Variants in NR3C2 observed in about 807,000 individuals in gnomAD.
NR3C2 encodes the protein nuclear receptor subfamily 3 group C member 2.
In NR3C2, 15 loss-of-function variants were observed where a neutral mutation model predicts 86.4. The observed-to-expected ratio is 0.17, with a 90% CI of 0.12 to 0.27. NR3C2 has a LOEUF of 0.27. NR3C2 is among the 10% of genes least tolerant of loss of function. The pLI is 1.00. For missense variants in NR3C2, 960 were observed against 1,195.6 expected, an observed-to-expected ratio of 0.80 and a Z score of 2.91; for synonymous variants, 458 against 450.5, an observed-to-expected ratio of 1.02 and a Z score of -0.21.
At chr4:148,118,442 T>C (rs1391544118) in intron 7 of NR3C2, among the ~76,000 whole-genome samples, 1 of 152,178 alleles carries the variant, frequency 6.6e-6, no homozygotes, top group African/African-American at 2.4e-5. Context: ...CTGACAGTTG[T>C]CTCTGTCCCT....
intron 2 of NR3C2, among the ~76,000 whole-genome samples, chr4:148,388,536 T>A (rs944861159): frequency 6.6e-6 from 1 of 152,228 alleles, no homozygotes; most frequent in Non-Finnish European, 1.5e-5. Context: ...TCCAAAGGTA[T>A]ATTTACATCA....
intron 3 of NR3C2, among the ~76,000 whole-genome samples, chr4:148,195,471 C>T (rs1215528822): frequency 6.6e-6 from 1 of 152,146 alleles, no homozygotes; most frequent in Non-Finnish European, 1.5e-5. Context: ...GTACTAGGCA[C>T]TACTAGAGGC....
chr4:148,104,768 G>C (rs1731718748), intron 8 of NR3C2, among the ~76,000 whole-genome samples: 2 of 152,134 alleles, frequency 1.3e-5, no homozygotes, highest in South Asian at 4.1e-4. Context: ...TACAAGATGG[G>C]TATTATTACT....
chr4:148,161,132 T>C (rs778397334), intron 4 of NR3C2, among the ~76,000 whole-genome samples: 6 of 152,248 alleles, frequency 3.9e-5, no homozygotes, highest in Non-Finnish European at 8.8e-5. Context: ...TATAAGGAAG[T>C]AGCATTTCAA....
At chr4:148,296,691 A>G (rs1742072195) in intron 2 of NR3C2, among the ~76,000 whole-genome samples, 1 of 152,150 alleles carries the variant, frequency 6.6e-6, no homozygotes, top group Non-Finnish European at 1.5e-5. Flanking sequence ...CATTTTATGC[A>G]TAGCAACAAA....
At chr4:148,156,642 A>C (rs1734402292) in intron 4 of NR3C2, among the ~76,000 whole-genome samples, 1 of 152,100 alleles carries the variant, frequency 6.6e-6, no homozygotes, top group Admixed American at 6.6e-5. Context: ...AATCATTAAA[A>C]AGTCAGGAAA....
chr4:148,324,510 G>A (rs1007134309), intron 2 of NR3C2, among the ~76,000 whole-genome samples: 5 of 152,144 alleles, frequency 3.3e-5, no homozygotes, highest in African/African-American at 1.2e-4. Flanking sequence ...TAGAAGAGTG[G>A]TTGGCAAGAC....
chr4:148,103,361 T>C (rs1296713544), intron 8 of NR3C2, among the ~76,000 whole-genome samples: 2 of 152,116 alleles, frequency 1.3e-5, no homozygotes, highest in Non-Finnish European at 2.9e-5. Context: ...GGTTGTTGTA[T>C]CCATAGTGCC....
intron 1 of NR3C2, among the ~76,000 whole-genome samples, chr4:148,439,329 AATAAAT>A (rs1299633431): frequency 1.3e-5 from 2 of 152,336 alleles, no homozygotes; most frequent in East Asian, 3.8e-4. Context: ...TAAACAACAC[AATAAAT>A]ATGTCTATTT....
chr4:148,298,272 G>A (rs1381674083), intron 2 of NR3C2, among the ~76,000 whole-genome samples: 2 of 152,122 alleles, frequency 1.3e-5, no homozygotes, highest in African/African-American at 4.8e-5. Flanking sequence ...ACATTATGTG[G>A]AAGAAAAACA....
At chr4:148,272,581 C>A (rs1413485518) in intron 2 of NR3C2, among the ~76,000 whole-genome samples, 1 of 152,162 alleles carries the variant, frequency 6.6e-6, no homozygotes, top group Non-Finnish European at 1.5e-5. Flanking sequence ...CATATTTTTA[C>A]TACTGGCTTT....
intron 3 of NR3C2, among the ~76,000 whole-genome samples, chr4:148,221,033 CTGGGGGTGAGACCA>C (rs1737811631): frequency 2.0e-5 from 3 of 151,748 alleles, no homozygotes; most frequent in Admixed American, 2.0e-4. Context: ...CCAAGAATAT[CTGGGGGTGAGACCA>C]AATTTCTGAT....
At chr4:148,345,976 T>C (rs1397674206) in intron 2 of NR3C2, among the ~76,000 whole-genome samples, 1 of 152,068 alleles carries the variant, frequency 6.6e-6, no homozygotes, top group African/African-American at 2.4e-5. Flanking sequence ...AAGACTTCTC[T>C]ACCAAAACCA....
intron 4 of NR3C2, among the ~76,000 whole-genome samples, chr4:148,186,862 T>A (rs999086584): frequency 6.6e-6 from 1 of 150,558 alleles, no homozygotes; most frequent in Non-Finnish European, 1.5e-5. Flanking sequence ...CAACATACGA[T>A]GTTTGGTTTT....
chr4:148,186,000 C>T (rs544003095), intron 4 of NR3C2, among the ~76,000 whole-genome samples: 10 of 152,248 alleles, frequency 6.6e-5, no homozygotes, highest in African/African-American at 2.4e-4. Flanking sequence ...ATTGTTGAGT[C>T]CAAGGCATGT....
intron 2 of NR3C2, among the ~76,000 whole-genome samples, chr4:148,261,443 G>A (rs994133634): frequency 6.6e-6 from 1 of 152,090 alleles, no homozygotes; most frequent in African/African-American, 2.4e-5. Context: ...GGTGCGCTAC[G>A]GTCAGTGCTA....
intron 4 of NR3C2, among the ~76,000 whole-genome samples, chr4:148,191,144 G>A (rs184614327): frequency 3.8e-4 from 58 of 152,090 alleles, no homozygotes; most frequent in African/African-American, 1.3e-3. Context: ...AAGATTTAGA[G>A]CTCCTTTTAG....
At chr4:148,334,416 G>A in intron 2 of NR3C2, among the ~76,000 whole-genome samples, 1 of 152,196 alleles carries the variant, frequency 6.6e-6, no homozygotes, top group East Asian at 1.9e-4. Flanking sequence ...GGTGGCACTT[G>A]CCTGTAATCC....
At chr4:148,300,837 G>C (rs751388372) in intron 2 of NR3C2, among the ~76,000 whole-genome samples, 26 of 152,214 alleles carry the variant, frequency 1.7e-4, no homozygotes, top group Non-Finnish European at 3.2e-4. Flanking sequence ...CTCCCAAAGT[G>C]TTGGGATTAC....
Sources: allele counts gnomAD v4.1 joint callset (sites outside exome capture counted in the v4.1 genomes callset), GRCh38; gene constraint gnomAD v4.1.1; transcripts MANE v1.5; gene names NCBI Gene and HGNC (gene_info 2026-07-23, HGNC 2026-07-21).